The following SPTBN4 variants were observed in gnomAD, a reference collection of about 807,000 sequenced individuals.
SPTBN4 encodes spectrin beta chain, non-erythrocytic 4.
A neutral mutation model predicts 277.8 loss-of-function variants in SPTBN4; 96 were observed. The ratio of observed to expected loss-of-function variants is 0.35; its 90% CI spans 0.29 to 0.41. The LOEUF (loss-of-function observed/expected upper bound fraction) is 0.41. Ranked by LOEUF, SPTBN4 falls within the 10% of genes least tolerant of loss-of-function variation. The probability of loss-of-function intolerance (pLI) is 1.00; values close to 1 mark genes in which losing one functional copy is unlikely to be tolerated. For missense variants in SPTBN4, 3,006 were observed against 3,595.7 expected (o/e 0.84, Z 4.19); for synonymous variants, 1,481 against 1,580.3 (o/e 0.94, Z 1.49).
chr19:40,544,579 C>G (rs773467301), intron 20 of SPTBN4, among the ~76,000 whole-genome samples: 1 of 150,688 alleles, frequency 6.6e-6, no homozygotes, highest in Non-Finnish European at 1.5e-5. Context: ...TCCCGAGTAG[C>G]TGGGATTACA....
At chr19:40,526,167 CTTTTTTTTTTT>C (rs1168105162) in intron 17 of SPTBN4, among the ~76,000 whole-genome samples, 3 of 93,174 alleles carry the variant, frequency 3.2e-5, no homozygotes, top group Admixed American at 1.2e-4. Flanking sequence ...AGGTGCTGTT[CTTTTTTTTTTT>C]TTTTTTTTTT....
chr19:40,476,727 A>G (rs967372807), intron 2 of SPTBN4, among the ~76,000 whole-genome samples: 2 of 152,004 alleles, frequency 1.3e-5, no homozygotes, highest in African/African-American at 4.8e-5. Context: ...AGCTAGGACT[A>G]CAGGCGCCTG....
At chr19:40,571,623 C>T (rs545758775) in intron 33 of SPTBN4, 1 of 164,392 alleles carries the variant, frequency 6.1e-6, no homozygotes, top group African/African-American at 2.4e-5. Context: ...CCTCCAGGAT[C>T]GAGGCTTTGG....
chr19:40,534,540 A>G, intron 20 of SPTBN4, 197 bp downstream of exon 20: 1 of 674,528 alleles, frequency 1.5e-6, no homozygotes, highest in Non-Finnish European at 2.4e-6. Context: ...TCCCTAAGGT[A>G]TGGAGTACAA....
intron 20 of SPTBN4, among the ~76,000 whole-genome samples, chr19:40,547,298 C>T (rs572277533): frequency 7.3e-5 from 11 of 151,008 alleles, no homozygotes; most frequent in Middle Eastern, 3.4e-3. Flanking sequence ...TCTGTCCTTG[C>T]GATAGTTTGC....
chr19:40,512,978 G>A lies in SPTBN4; in HGVS notation c.2189G>A (p.Gly730Asp). 3 of 1,413,696 alleles carry A rather than the reference G, an allele frequency of 2.1e-6. No homozygotes were observed. Among genetic ancestry groups the A allele is most frequent in the Non-Finnish European group, 2.7e-6 (3 of 1,093,734 alleles). 87.6% of individuals were successfully genotyped at this position (1,413,696 alleles called of 1,614,324 possible). ...RCGEELVAAG[G>D]AVGPGADTVH... ...GGCGAGGAGCTGGTTGCGGCCGGCG[G>A]TGCCGTCGGCCCGGGAGCAGACACC... The change falls in exon 14 of 36, where the codon GGT becomes GAT. Residue 730 changes from glycine (G) to aspartate (D), a missense_variant. This residue lies in a region of SPTBN4 where 1,759 missense variants were observed against 2,061.5 expected (regional missense o/e 0.85). Transcript: ENST00000598249.
At chr19:40,546,112 C>G (rs972949239) in intron 20 of SPTBN4, among the ~76,000 whole-genome samples, 2 of 147,066 alleles carry the variant, frequency 1.4e-5, no homozygotes, top group African/African-American at 5.0e-5. Context: ...GTGATCCCAG[C>G]TACTCGGGAG....
rs572820110 is a variant in SPTBN4, at chr19:40,559,965, T to TAGTA, written c.5671-193_5671-190dup. ...AGGCAGTGGGTTGAAAGAGATGTGG[T>TAGTA]AGTAGATCTAAAAGAAGTCAGAATG... is the stretch of plus-strand genomic sequence containing the variant. On this transcript the variant is annotated intron_variant, in intron 26 of 35. Transcript: ENST00000598249. Among the ~76,000 whole-genome samples, 68 of 152,308 alleles carry TAGTA rather than the reference T, an allele frequency of 4.5e-4. 1 individual carries two copies. In the South Asian group the frequency reaches 8.1e-3, roughly 18 times the overall value.
chr19:40,512,145 CAAA>C (rs1339889934), intron 13 of SPTBN4, among the ~76,000 whole-genome samples: 1 of 152,158 alleles, frequency 6.6e-6, no homozygotes, highest in Admixed American at 6.5e-5. Flanking sequence ...AAACAAAAAA[CAAA>C]GAAGTTTCAT....
chr19:40,538,644 A>G (rs1036493052), intron 20 of SPTBN4, among the ~76,000 whole-genome samples: 1 of 152,190 alleles, frequency 6.6e-6, no homozygotes, highest in East Asian at 1.9e-4. Flanking sequence ...CTGAAGTGCA[A>G]TGGCGTGATC....
intron 17 of SPTBN4, among the ~76,000 whole-genome samples, chr19:40,526,719 G>C (rs2080596964): frequency 1.3e-5 from 2 of 152,004 alleles, no homozygotes; most frequent in Non-Finnish European, 1.5e-5. Flanking sequence ...TGAGTAGCTG[G>C]GACTAAAAGC....
chr19:40,565,825 C>G, intron 29 of SPTBN4, 80 bp downstream of exon 29: 2 of 1,445,906 alleles, frequency 1.4e-6, no homozygotes, highest in Non-Finnish European at 1.9e-6. Context: ...CAGAGGGTGA[C>G]AGGAGCATGC....
At chr19:40,526,501 T>C (rs531376010) in intron 17 of SPTBN4, among the ~76,000 whole-genome samples, 2 of 151,542 alleles carry the variant, frequency 1.3e-5, no homozygotes, top group Admixed American at 6.6e-5. Context: ...GCGTTTTGCA[T>C]GTGAGGCTCA....
intron 20 of SPTBN4, among the ~76,000 whole-genome samples, chr19:40,546,091 G>GC (rs1331872294): frequency 8.7e-5 from 13 of 148,812 alleles, no homozygotes; most frequent in Non-Finnish European, 1.8e-4. Context: ...CGGGCGTGGT[G>GC]ATGTGTGCCT....
At chr19:40,561,761 A>T (rs1186588649) in intron 27 of SPTBN4, among the ~76,000 whole-genome samples, 1 of 151,470 alleles carries the variant, frequency 6.6e-6, no homozygotes, top group Admixed American at 6.6e-5. Context: ...GGTGGAGGTC[A>T]CAGTGAGCCA....
At chr19:40,494,861 C>G in intron 5 of SPTBN4, 36 bp from the exon 6 acceptor site, 1 of 1,597,240 alleles carries the variant, frequency 6.3e-7, no homozygotes, top group South Asian at 1.1e-5. Context: ...CTAACTCTCC[C>G]CATCTCTGCC....
chr19:40,522,474 T>C, intron 16 of SPTBN4, among the ~76,000 whole-genome samples: 1 of 150,898 alleles, frequency 6.6e-6, no homozygotes, highest in Non-Finnish European at 1.5e-5. Context: ...TGCCTCAGCC[T>C]CCTGAGTAGC....
intron 5 of SPTBN4, 95 bp from the exon 6 acceptor site, chr19:40,494,802 C>T (rs2080177686): frequency 1.9e-6 from 2 of 1,074,372 alleles, no homozygotes; most frequent in Non-Finnish European, 2.8e-6. Context: ...CTCTCATCTT[C>T]CTTCCCTATC....
At chr19:40,511,459 C>CT (rs111599985) in intron 13 of SPTBN4, among the ~76,000 whole-genome samples, 34 of 152,266 alleles carry the variant, frequency 2.2e-4, no homozygotes, top group African/African-American at 7.9e-4. Context: ...AACAAAAATA[C>CT]TCCCCCGACC....
Sources: allele counts gnomAD v4.1 joint callset (sites outside exome capture counted in the v4.1 genomes callset), GRCh38; gene constraint gnomAD v4.1.1; regional missense constraint gnomAD v4.1.1; transcripts MANE v1.5; gene names NCBI Gene and HGNC (gene_info 2026-07-23, HGNC 2026-07-21).